Variants in PML observed in about 807,000 individuals in gnomAD.
PML encodes protein PML.
PML carries 28 observed loss-of-function variants against 65.2 expected under a neutral mutation model. That is an observed-to-expected ratio of 0.43 (90% CI 0.32 to 0.59). The LOEUF is 0.59. PML is among the 20% of genes least tolerant of loss of function. The pLI is 0.08. For missense variants in PML, 1,021 were observed against 1,203.4 expected, an observed-to-expected ratio of 0.85 and a Z score of 2.24; for synonymous variants, 500 against 508.8, an observed-to-expected ratio of 0.98 and a Z score of 0.23.
At chr15:74,015,548 C>T (rs2070532369) in intron 2 of PML, among the ~76,000 whole-genome samples, 1 of 152,168 alleles carries the variant, frequency 6.6e-6, no homozygotes, top group Non-Finnish European at 1.5e-5. Flanking sequence ...TACCAGTTTC[C>T]TAGAACAGCA....
chr15:74,023,019 T>A lies in PML; in HGVS notation c.794T>A (p.Val265Asp). ...GTTCACGCGCAGATGCACGCGGCCGTCGGCCAGCTGGGCCGCGCGCGTGCC... is the reference window on the plus strand; with the variant it reads ...GTTCACGCGCAGATGCACGCGGCCGACGGCCAGCTGGGCCGCGCGCGTGCC... Reference protein sequence around the residue: ...GAVHAQMHAAVGQLGRARAET... With the variant: ...GAVHAQMHAADGQLGRARAET... Residue 265 changes from valine (V) to aspartate (D), a missense_variant, in exon 3 of 9, where the codon GTC becomes GAC. Physicochemically the swap from Val to Asp is radical, Grantham distance 152. Coordinates refer to ENST00000268058, the MANE Select transcript of PML (RefSeq NM_033238.3). 1 of 1,607,378 alleles carries A rather than the reference T, an allele frequency of 6.2e-7. No individual in the cohort carries two copies. Among genetic ancestry groups the A allele is most frequent in the South Asian group, 1.1e-5 (1 of 90,888 alleles).
chr15:74,019,786 A>G (rs1167654906), intron 2 of PML, among the ~76,000 whole-genome samples: 5 of 152,224 alleles, frequency 3.3e-5, no homozygotes. Flanking sequence ...AACTCATTTA[A>G]TCCTTCCAGT....
intron 4 of PML, among the ~76,000 whole-genome samples, chr15:74,030,123 C>T (rs2071253646): frequency 6.6e-6 from 1 of 152,142 alleles, no homozygotes. Context: ...TGTCGGGAGC[C>T]TCCTTGCCCA....
At chr15:74,028,110 A>C (rs902040177) in intron 4 of PML, 10 of 152,276 alleles carry the variant, frequency 6.6e-5, no homozygotes, top group African/African-American at 2.2e-4. Flanking sequence ...GGGTGGCAGC[A>C]GCTCAGATAT....
chr15:74,033,586 G>T, intron 6 of PML, 172 bp downstream of exon 6: 2 of 767,448 alleles, frequency 2.6e-6, no homozygotes, highest in Non-Finnish European at 4.5e-6. Flanking sequence ...AGTGGACACA[G>T]TTTACCATGT....
At chr15:74,034,168 G>A in intron 6 of PML, 1 of 466,454 alleles carries the variant, frequency 2.1e-6, no homozygotes, top group South Asian at 2.2e-5. Flanking sequence ...GATTGCAGAA[G>A]GTTCCAGACC....
rs372639541 is a variant in PML, at chr15:73,998,190, A to G, written c.316A>G (p.Asn106Asp). The G allele has an allele frequency of 2.5e-6, 4 of 1,614,194 alleles. No homozygotes were observed. The highest frequency in any genetic ancestry group is 3.4e-6 in the Non-Finnish European group (4 of 1,180,028). The change falls in exon 2 of 9, where the codon AAC (asparagine) becomes GAC (aspartate). Residue 106 changes from asparagine (N) to aspartate (D), a missense_variant. By Grantham distance (23) the Asn-to-Asp change is conservative (BLOSUM62 1). Transcript: ENST00000268058. Reference sequence around the variant, plus strand: ...AGGTGCAGACACACCCGCCCTGGATAACGTCTTTTTCGAGAGTCTGCAGCG... The same window carrying G: ...AGGTGCAGACACACCCGCCCTGGATGACGTCTTTTTCGAGAGTCTGCAGCG... Reference protein sequence around the residue: ...PLGADTPALDNVFFESLQRRL... With the variant: ...PLGADTPALDDVFFESLQRRL...
At chr15:74,032,126 G>T (rs948121967) in intron 4 of PML, among the ~76,000 whole-genome samples, 12 of 152,200 alleles carry the variant, frequency 7.9e-5, no homozygotes, top group African/African-American at 2.9e-4. Flanking sequence ...TCTAAGTAGG[G>T]CTAATTACTG....
rs766603231 is a variant in PML, at chr15:74,035,111, T to A, written c.1710+581T>A. 1 of 1,147,952 alleles carries A rather than the reference T, an allele frequency of 8.7e-7. No individual in the cohort carries two copies. Among genetic ancestry groups the A allele is most frequent in the Non-Finnish European group, 1.3e-6 (1 of 760,210 alleles). The allele number at this position is 1,147,952 out of a possible 1,614,324, so 71.1% of individuals were successfully genotyped here. On this transcript the variant is annotated intron_variant, in intron 7 of 8. Coordinates refer to ENST00000268058, the MANE Select transcript of PML (RefSeq NM_033238.3). This position sits in a 1 kb window ranked among gnomAD's most constrained non-coding sequence, Gnocchi z 4.1. ...AAGGGGATCTGAATAGAGTGAAAGG[T>A]TGGACTGGGTGGCCCCTGAGGTCTC... is the stretch of plus-strand genomic sequence containing the variant.
chr15:73,999,530 C>CTTA (rs1398094807), intron 2 of PML, among the ~76,000 whole-genome samples: 2 of 152,180 alleles, frequency 1.3e-5, no homozygotes, highest in Non-Finnish European at 2.9e-5. Flanking sequence ...CGTTTCTTAG[C>CTTA]TTATTGTAAA....
intron 1 of PML, 119 bp downstream of exon 1, chr15:73,995,060 CG>C: frequency 2.0e-6 from 2 of 976,466 alleles, no homozygotes; most frequent in Non-Finnish European, 2.9e-6. Flanking sequence ...TGACACAAAG[CG>C]GGAAGTCCAG....
In PML at chr15:74,042,755, C is replaced by A; in HGVS notation, c.1711-234C>A. The A allele has an allele frequency of 1.0e-6, 1 of 985,424 alleles. No homozygotes were observed. Among genetic ancestry groups the A allele is most frequent in the Admixed American group, 6.1e-5 (1 of 16,290 alleles). The allele number at this position is 985,424 out of a possible 1,614,324, so 61.0% of individuals were successfully genotyped here. On this transcript the variant is annotated intron_variant, in intron 7 of 8. Coordinates refer to ENST00000268058, the MANE Select transcript of PML (RefSeq NM_033238.3). This position sits in a 1 kb window ranked among gnomAD's most constrained non-coding sequence, Gnocchi z 5.3. ...ACCTGTGTGTGTCACCCTTCCTCCC[C>A]TACTCATGAGGGTGTATGCCCTGGT...
In PML at chr15:74,035,995, C is replaced by T. The variant is rs201691315; in HGVS notation, c.1710+1465C>T. 1 of 1,614,136 alleles carries T rather than the reference C, an allele frequency of 6.2e-7. No individual in the cohort carries two copies. Among genetic ancestry groups the T allele is most frequent in the Non-Finnish European group, 8.5e-7 (1 of 1,180,038 alleles). ...GTAACCTTGCAGCCAACACCCCTGC[C>T]CGGCCCCTGAGCTGCCTCCTCCAGC... On this transcript the variant is annotated intron_variant, in intron 7 of 8. Transcript: ENST00000268058. The surrounding 1 kb of genome is among the most constrained non-coding windows in gnomAD (Gnocchi z 4.1).
At position 74,014,786 on chromosome 15, in the gene PML, T is replaced by C. The variant is rs116732079; in HGVS notation, c.603-8042T>C. ...CAAAAAAAAGAAAAAAAAGAAATCA[T>C]TGAAGCCATAGAGGACAGGGAGGCA... On this transcript the variant is annotated intron_variant, in intron 2 of 8. Coordinates refer to ENST00000268058, the MANE Select transcript of PML (RefSeq NM_033238.3). Among the ~76,000 whole-genome samples the C allele has an allele frequency of 3.2e-3, 493 of 151,928 alleles. 3 individuals are homozygous for C. The highest frequency in any genetic ancestry group is 9.5e-3 in the African/African-American group (394 of 41,468).
chr15:74,029,566 G>A (rs936099749), intron 4 of PML, among the ~76,000 whole-genome samples: 6 of 152,158 alleles, frequency 3.9e-5, no homozygotes, highest in Non-Finnish European at 8.8e-5. Context: ...AGAGGTTGCA[G>A]TGAGCCAAGA....
chr15:74,016,792 CTTTTTTT>C lies in PML; in HGVS notation c.603-6020_603-6014del, dbSNP rs535665071. 1.9e-4 allele frequency among the ~76,000 whole-genome samples: 15 copies of C among 77,648 alleles called. 2 individuals are homozygous for C. Among genetic ancestry groups the C allele is most frequent in the African/African-American group, 5.7e-4 (12 of 20,900 alleles). 50.9% of individuals were successfully genotyped at this position (77,648 alleles called of 152,430 possible). A position where few individuals can be genotyped will look rare whatever the true frequency, so the allele number is the denominator to read the frequency against. ...TTTTGAATTTTTTAGGCAGTGGCAT[CTTTTTTT>C]TTTTTTTTTTTTTTTGAGATGGAGT... On this transcript the variant is annotated intron_variant, in intron 2 of 8. Transcript: ENST00000268058.
At chr15:73,995,138 CA>C (rs1162869039) in intron 1 of PML, among the ~76,000 whole-genome samples, 197 bp downstream of exon 1, 1 of 152,194 alleles carries the variant, frequency 6.6e-6, no homozygotes, top group Non-Finnish European at 1.5e-5. Context: ...GAAAAGAGGA[CA>C]CGGAGGAGTT....
At position 74,044,207 on chromosome 15, in the gene PML, T is replaced by C. The variant is rs771394091; in HGVS notation, c.1862-14T>C. On this transcript the variant is annotated splice_polypyrimidine_tract_variant and intron_variant, in intron 8 of 8. Transcript: ENST00000268058. ...TGACCCTGGGTCCTCACCCTGCCCT[T>C]CTCTCCTGCCCAGCCCAGAAGATTA... 7 of 1,613,344 alleles carry C rather than the reference T, an allele frequency of 4.3e-6. No homozygotes were observed. In the East Asian group the frequency reaches 1.1e-4, roughly 26 times the overall value.
chr15:74,036,773 C>G (rs1264454972), intron 7 of PML, among the ~76,000 whole-genome samples: 1 of 152,202 alleles, frequency 6.6e-6, no homozygotes, highest in Non-Finnish European at 1.5e-5. Flanking sequence ...ACCCACCTGC[C>G]CGCCACTCCT....
Sources: allele counts gnomAD v4.1 joint callset (sites outside exome capture counted in the v4.1 genomes callset), GRCh38; gene constraint gnomAD v4.1.1; non-coding constraint Gnocchi (gnomAD v3.1); transcripts MANE v1.5; gene names NCBI Gene and HGNC (gene_info 2026-07-23, HGNC 2026-07-21).